Variants in CAMK1D observed in about 807,000 individuals in gnomAD.
CAMK1D encodes the protein calcium/calmodulin-dependent protein kinase type 1D.
In CAMK1D, 9 loss-of-function variants were observed where a neutral mutation model predicts 47.7. The ratio of observed to expected loss-of-function variants is 0.19; its 90% CI spans 0.11 to 0.33. The LOEUF is 0.33. CAMK1D is among the 10% of genes least tolerant of loss of function. The probability of loss-of-function intolerance (pLI) is 1.00; values close to 1 mark genes in which losing one functional copy is unlikely to be tolerated. For synonymous variants in CAMK1D, 184 were observed against 184.9 expected (o/e 0.99, Z 0.04); for missense variants, 291 against 488.7 (o/e 0.60, Z 3.81).
chr10:12,420,718 A>G (rs774202487), intron 1 of CAMK1D, among the ~76,000 whole-genome samples: 7 of 152,218 alleles, frequency 4.6e-5, no homozygotes, highest in Non-Finnish European at 1.0e-4. Context: ...CATCAGGGCC[A>G]TGAAGACCAG....
chr10:12,619,311 G>A (rs1838917281), intron 2 of CAMK1D, among the ~76,000 whole-genome samples: 1 of 151,112 alleles, frequency 6.6e-6, no homozygotes, highest in Non-Finnish European at 1.5e-5. Context: ...TTTTTTTTGA[G>A]ACGGGGTCTT....
At chr10:12,543,175 G>A (rs2132249660) in intron 1 of CAMK1D, among the ~76,000 whole-genome samples, 2 of 152,194 alleles carry the variant, frequency 1.3e-5, no homozygotes, top group South Asian at 4.2e-4. Flanking sequence ...AGCCTCCCGA[G>A]TTGCCGGGAT....
chr10:12,770,192 A>G (rs1322692311), intron 5 of CAMK1D, among the ~76,000 whole-genome samples: 2 of 152,300 alleles, frequency 1.3e-5, no homozygotes, highest in East Asian at 3.9e-4. Context: ...TTTTATTCCA[A>G]TTACTGAGAT....
At chr10:12,453,702 C>T (rs1564349418) in intron 1 of CAMK1D, among the ~76,000 whole-genome samples, 1 of 152,162 alleles carries the variant, frequency 6.6e-6, no homozygotes, top group Non-Finnish European at 1.5e-5. Flanking sequence ...TTGGCAACCA[C>T]AACACACTTC....
intron 6 of CAMK1D, among the ~76,000 whole-genome samples, chr10:12,813,811 A>G (rs1438956795): frequency 6.6e-6 from 1 of 151,668 alleles, no homozygotes; most frequent in East Asian, 1.9e-4. Flanking sequence ...CCCAGGCTAG[A>G]GTGCAGTGAT....
At chr10:12,686,688 G>A (rs998546621) in intron 3 of CAMK1D, among the ~76,000 whole-genome samples, 1 of 152,122 alleles carries the variant, frequency 6.6e-6, no homozygotes, top group African/African-American at 2.4e-5. Context: ...ATTTGTACAG[G>A]AAGTGTCCGG....
At chr10:12,350,067 G>T (rs1235231897) in intron 1 of CAMK1D, among the ~76,000 whole-genome samples, 157 bp downstream of exon 1, 3 of 151,952 alleles carry the variant, frequency 2.0e-5, no homozygotes, top group Admixed American at 6.5e-5. Context: ...CCCCGAGCGC[G>T]CCCGACGCGT....
At chr10:12,641,157 AG>A (rs1839654804) in intron 2 of CAMK1D, among the ~76,000 whole-genome samples, 1 of 152,050 alleles carries the variant, frequency 6.6e-6, no homozygotes, top group Non-Finnish European at 1.5e-5. Context: ...TTAGTAGAGA[AG>A]GGGTTTCACC....
Position 12,637,477 on chromosome 10 carries a change from G to C in CAMK1D, c.225-29259G>C, listed in dbSNP as rs185175237. 1.1e-3 allele frequency among the ~76,000 whole-genome samples: 171 copies of C among 152,180 alleles called. 2 individuals are homozygous for C. Among genetic ancestry groups the C allele is most frequent in the Admixed American group, 4.1e-3 (63 of 15,284 alleles). On this transcript the variant is annotated intron_variant, in intron 2 of 10. Coordinates refer to ENST00000619168, the MANE Select transcript of CAMK1D (RefSeq NM_153498.4). ...CTTTCTTTAATGCAAACGCATGGAC[G>C]TATGACATCCATTCACTTCTTTATC...
chr10:12,813,751 T>C (rs993179191), intron 6 of CAMK1D, among the ~76,000 whole-genome samples: 3 of 152,060 alleles, frequency 2.0e-5, no homozygotes, highest in African/African-American at 7.2e-5. Context: ...ATTTTCTTTT[T>C]CTTTTTCTTT....
At chr10:12,763,936 C>G (rs1020131426) in intron 4 of CAMK1D, among the ~76,000 whole-genome samples, 1 of 152,168 alleles carries the variant, frequency 6.6e-6, no homozygotes, top group Non-Finnish European at 1.5e-5. Context: ...GGGCCAGACC[C>G]TCTCCCTGTG....
intron 3 of CAMK1D, among the ~76,000 whole-genome samples, chr10:12,717,385 C>T (rs1364875991): frequency 6.6e-6 from 1 of 152,152 alleles, no homozygotes; most frequent in African/African-American, 2.4e-5. Flanking sequence ...AATATATTCA[C>T]TGCCAGGCAG....
At chr10:12,694,879 T>G (rs1395667796) in intron 3 of CAMK1D, among the ~76,000 whole-genome samples, 2 of 151,992 alleles carry the variant, frequency 1.3e-5, no homozygotes, top group Non-Finnish European at 2.9e-5. Context: ...AGAAACAAAC[T>G]TTAAACCTGT....
At chr10:12,723,391 C>A (rs973285634) in intron 3 of CAMK1D, among the ~76,000 whole-genome samples, 3 of 152,092 alleles carry the variant, frequency 2.0e-5, no homozygotes, top group Non-Finnish European at 4.4e-5. Flanking sequence ...TGACAGAACC[C>A]AAACTAATTA....
chr10:12,521,093 T>C (rs1227077513), intron 1 of CAMK1D, among the ~76,000 whole-genome samples: 4 of 152,212 alleles, frequency 2.6e-5, no homozygotes, highest in East Asian at 1.9e-4. Flanking sequence ...TGATTTGCTT[T>C]ATTGTTTTTC....
At chr10:12,714,760 TTA>T (rs1834057131) in intron 3 of CAMK1D, among the ~76,000 whole-genome samples, 3 of 50,356 alleles carry the variant, frequency 6.0e-5, no homozygotes, top group African/African-American at 2.6e-4. Flanking sequence ...GTACATTAAA[TTA>T]CACACACACA....
intron 2 of CAMK1D, among the ~76,000 whole-genome samples, chr10:12,604,893 C>CT (rs35403180): frequency 0.16 from 23,571 of 144,730 alleles, 2,342 homozygotes; most frequent in African/African-American, 0.29. Flanking sequence ...CCTTTTTTTT[C>CT]TTTTTTTTTT....
At chr10:12,788,778 C>T (rs1212937806) in intron 5 of CAMK1D, among the ~76,000 whole-genome samples, 4 of 152,230 alleles carry the variant, frequency 2.6e-5, no homozygotes, top group African/African-American at 7.2e-5. Flanking sequence ...AGTCAGCTAT[C>T]GCCCGGCCAG....
chr10:12,430,965 G>A (rs1025558322), intron 1 of CAMK1D, among the ~76,000 whole-genome samples: 3 of 152,200 alleles, frequency 2.0e-5, no homozygotes, highest in Non-Finnish European at 4.4e-5. Flanking sequence ...GGCCAGGCTG[G>A]TTTCAAACTC....
Sources: gnomAD v4.1 joint callset for allele counts (sites outside exome capture counted in the v4.1 genomes callset) on GRCh38, gnomAD v4.1.1 for gene constraint, MANE v1.5 for transcripts, NCBI Gene and HGNC (gene_info 2026-07-23, HGNC 2026-07-21) for gene names.